Variants in SAMMSON observed in about 807,000 individuals in gnomAD.
SAMMSON encodes the protein long intergenic non-protein coding RNA 1212.
chr3:70,078,193 C>T (rs910393627), intron 4 of SAMMSON, among the ~76,000 whole-genome samples: 44 of 151,996 alleles, frequency 2.9e-4, no homozygotes, highest in African/African-American at 9.9e-4. Context: ...ATCTCATGCC[C>T]GTTGGACAGT....
intron 4 of SAMMSON, among the ~76,000 whole-genome samples, chr3:70,130,516 G>T (rs1245540253): frequency 6.6e-6 from 1 of 152,146 alleles, no homozygotes; most frequent in Non-Finnish European, 1.5e-5. Flanking sequence ...GCTTGAAACT[G>T]GATGTAACTT....
At chr3:70,379,974 T>G (rs1703051991) in intron 9 of SAMMSON, among the ~76,000 whole-genome samples, 1 of 152,182 alleles carries the variant, frequency 6.6e-6, no homozygotes, top group Non-Finnish European at 1.5e-5. Context: ...CAGTGTACTT[T>G]GTTAAATACT....
chr3:70,134,308 C>G (rs2067496878), intron 4 of SAMMSON, among the ~76,000 whole-genome samples: 1 of 149,758 alleles, frequency 6.7e-6, no homozygotes, highest in South Asian at 2.1e-4. Context: ...GAAGTTTGTG[C>G]CCAGTAGTGT....
chr3:70,344,452 C>A (rs996791309), intron 7 of SAMMSON, among the ~76,000 whole-genome samples: 1 of 152,172 alleles, frequency 6.6e-6, no homozygotes, highest in African/African-American at 2.4e-5. Context: ...ATCCCACTGA[C>A]AGCCACCTCC....
intron 7 of SAMMSON, among the ~76,000 whole-genome samples, chr3:70,341,501 T>G (rs575465417): frequency 1.3e-5 from 2 of 152,186 alleles, no homozygotes; most frequent in Non-Finnish European, 2.9e-5. Flanking sequence ...TAAAATAATC[T>G]TCTTCCCCTT....
chr3:70,277,092 G>A (rs775400382), intron 6 of SAMMSON, among the ~76,000 whole-genome samples: 1 of 152,030 alleles, frequency 6.6e-6, no homozygotes, highest in Non-Finnish European at 1.5e-5. Flanking sequence ...TTTTCAATGA[G>A]GCGTGAGAAA....
In SAMMSON at chr3:70,071,945, A is replaced by G. The variant is rs1253048544; in HGVS notation, n.507+380A>G. On this transcript the variant is annotated intron_variant and non_coding_transcript_variant, in intron 4 of 9. Transcript: ENST00000642114. Reference sequence around the variant, plus strand: ...TTTTTTTCCTTCTTCAGACAAATGTATAGGCATTTAGACCGCCACGTTGTA... The same window carrying G: ...TTTTTTTCCTTCTTCAGACAAATGTGTAGGCATTTAGACCGCCACGTTGTA... 3.9e-5 allele frequency: 6 copies of G among 151,990 alleles called. No individual in the cohort carries two copies. In the South Asian group the frequency reaches 6.2e-4, roughly 16 times the overall value. 9.4% of individuals were successfully genotyped at this position (151,990 alleles called of 1,614,324 possible).
intron 3 of SAMMSON, among the ~76,000 whole-genome samples, chr3:70,018,404 T>A (rs1258298314): frequency 6.6e-6 from 1 of 152,172 alleles, no homozygotes; most frequent in Non-Finnish European, 1.5e-5. Context: ...GTAGTTTGTA[T>A]TTCTGTGGGA....
At chr3:70,302,062 A>G (rs1485775336) in intron 7 of SAMMSON, among the ~76,000 whole-genome samples, 1 of 152,114 alleles carries the variant, frequency 6.6e-6, no homozygotes, top group Non-Finnish European at 1.5e-5. Context: ...CTTATTTAAT[A>G]CTATACTTCT....
intron 4 of SAMMSON, chr3:70,206,619 G>A: frequency 7.5e-6 from 3 of 397,790 alleles, no homozygotes; most frequent in Non-Finnish European, 1.3e-5. Context: ...GTAAGAAAAT[G>A]TTGTTTGGCA....
rs371515305 is a variant in SAMMSON, at chr3:70,171,616, G to C, written n.508-77491G>C. Among the ~76,000 whole-genome samples, 10 of 36,534 alleles carry C rather than the reference G, an allele frequency of 2.7e-4. No homozygotes were observed. In the South Asian group the frequency reaches 3.0e-3, roughly 11 times the overall value. 24.0% of individuals were successfully genotyped at this position (36,534 alleles called of 152,430 possible). A position where few individuals can be genotyped will look rare whatever the true frequency, so the allele number is the denominator to read the frequency against. On this transcript the variant is annotated intron_variant and non_coding_transcript_variant, in intron 4 of 9. Transcript: ENST00000642114. ...ATGTAACTTAAAAGGCACAGTCTTTGGGGGGGGGAGCTTGACTCCCAGTTT... is the reference window on the plus strand; with the variant it reads ...ATGTAACTTAAAAGGCACAGTCTTTCGGGGGGGGAGCTTGACTCCCAGTTT...
chr3:70,402,931 G>GTA (rs1269870153), intron 2 of SAMMSON, among the ~76,000 whole-genome samples: 5 of 151,586 alleles, frequency 3.3e-5, no homozygotes, highest in African/African-American at 1.2e-4. Context: ...ACATATGTGT[G>GTA]TATATATATT....
chr3:70,399,249 G>A (rs1701118808), intron 2 of SAMMSON, among the ~76,000 whole-genome samples: 1 of 152,076 alleles, frequency 6.6e-6, no homozygotes, highest in Non-Finnish European at 1.5e-5. Context: ...ACACACTAGT[G>A]GGCAAATTCC....
intron 4 of SAMMSON, among the ~76,000 whole-genome samples, chr3:70,091,260 T>C (rs2067303800): frequency 2.0e-5 from 3 of 152,180 alleles, no homozygotes; most frequent in Non-Finnish European, 1.5e-5. Flanking sequence ...TCCTAAATGA[T>C]TGTGTATGTG....
intron 9 of SAMMSON, among the ~76,000 whole-genome samples, chr3:70,381,306 G>C (rs1703066020): frequency 6.6e-6 from 1 of 152,134 alleles, no homozygotes. Flanking sequence ...AAGAATTCCA[G>C]CTAATAAATG....
chr3:70,429,184 G>A (rs1701394100), intron 2 of SAMMSON, among the ~76,000 whole-genome samples: 2 of 152,088 alleles, frequency 1.3e-5, no homozygotes, highest in Admixed American at 1.3e-4. Context: ...TTCTGCATAT[G>A]GCTAGCCAGT....
intron 4 of SAMMSON, among the ~76,000 whole-genome samples, chr3:70,133,532 G>T (rs1379969065): frequency 1.3e-5 from 2 of 152,124 alleles, no homozygotes; most frequent in Non-Finnish European, 2.9e-5. Flanking sequence ...AGCCCAAAGG[G>T]AGGTTATGGG....
intron 7 of SAMMSON, among the ~76,000 whole-genome samples, chr3:70,306,631 C>CA (rs1354348061): frequency 3.9e-5 from 6 of 151,922 alleles, no homozygotes; most frequent in Non-Finnish European, 1.5e-5. Context: ...CATTTGGGTA[C>CA]AACACAATTT....
At chr3:70,392,033 C>T (rs1701052996), downstream of SAMMSON, among the ~76,000 whole-genome samples, 1 of 152,110 alleles carries the variant, frequency 6.6e-6, no homozygotes, top group South Asian at 2.1e-4. Flanking sequence ...GGCCGCCTTC[C>T]TGTGTCCAAC....
Sources: allele counts gnomAD v4.1 joint callset (sites outside exome capture counted in the v4.1 genomes callset), GRCh38; gene constraint gnomAD v4.1.1; transcripts MANE v1.5; gene names NCBI Gene and HGNC (gene_info 2026-07-23, HGNC 2026-07-21).